Variants in SPMIP3 observed in about 807,000 individuals in gnomAD.
The protein encoded by SPMIP3 is protein SPMIP3.
At chr1:244,362,436 T>C in the SPMIP3 span, among the ~76,000 whole-genome samples, 1 of 152,188 alleles carries the variant, frequency 6.6e-6, no homozygotes, top group African/African-American at 2.4e-5. Context: ...TGGGAGTAAA[T>C]AGCAGTAAAA....
chr1:244,388,895 TA>T, the SPMIP3 span: 2 of 1,400,940 alleles, frequency 1.4e-6, no homozygotes, highest in South Asian at 2.4e-5. Context: ...GACAGTGTGT[TA>T]AAAATTAGGA....
the SPMIP3 span, among the ~76,000 whole-genome samples, chr1:244,362,641 C>G: frequency 3.9e-5 from 6 of 152,084 alleles, 1 homozygote; most frequent in Non-Finnish European, 4.4e-5. Context: ...GGGAAAATGA[C>G]CTGCCGCAGG....
At chr1:244,373,198 T>C in the SPMIP3 span, among the ~76,000 whole-genome samples, 4 of 151,098 alleles carry the variant, frequency 2.6e-5, no homozygotes, top group African/African-American at 7.3e-5. Flanking sequence ...CTGGGCAACA[T>C]AATGAGACCC....
chr1:244,366,370 T>C, the SPMIP3 span, among the ~76,000 whole-genome samples: 1 of 152,184 alleles, frequency 6.6e-6, no homozygotes, highest in African/African-American at 2.4e-5. Context: ...TCTCACTATG[T>C]TGCCCAGACT....
chr1:244,389,232 G>C, the SPMIP3 span: 2 of 557,922 alleles, frequency 3.6e-6, no homozygotes, highest in Non-Finnish European at 6.4e-6. Context: ...GGTCAGCTTA[G>C]AACAGGGAAT....
At chr1:244,379,823 T>C in the SPMIP3 span, among the ~76,000 whole-genome samples, 1 of 151,816 alleles carries the variant, frequency 6.6e-6, no homozygotes, top group Non-Finnish European at 1.5e-5. Context: ...CTACTAAAAA[T>C]ACAAAGTGGT....
the SPMIP3 span, chr1:244,378,421 C>CT: frequency 1.3e-6 from 2 of 1,552,610 alleles, no homozygotes; most frequent in Non-Finnish European, 1.8e-6. Flanking sequence ...AAATGGACTG[C>CT]TTTTTTCTAC....
At chr1:244,357,288 G>A in the SPMIP3 span, among the ~76,000 whole-genome samples, 1 of 152,116 alleles carries the variant, frequency 6.6e-6, no homozygotes, top group Non-Finnish European at 1.5e-5. Flanking sequence ...GGGGATAAGT[G>A]TTTTGGAGAA....
chr1:244,354,581 G>C, the SPMIP3 span, among the ~76,000 whole-genome samples: 1 of 152,078 alleles, frequency 6.6e-6, no homozygotes, highest in Non-Finnish European at 1.5e-5. Context: ...GGCTGGTCTC[G>C]AACTCCTGAC....
At chr1:244,369,852 T>C in the SPMIP3 span, among the ~76,000 whole-genome samples, 2 of 150,476 alleles carry the variant, frequency 1.3e-5, no homozygotes, top group Non-Finnish European at 2.9e-5. Context: ...GTTCTCTGCC[T>C]AGCCGGGTCA....
chr1:244,378,044 C>T, the SPMIP3 span, among the ~76,000 whole-genome samples: 42 of 152,072 alleles, frequency 2.8e-4, no homozygotes, highest in East Asian at 7.2e-3. Flanking sequence ...TGAGCTCAAG[C>T]GATCTGCCCC....
chr1:244,366,103 G>C, the SPMIP3 span, among the ~76,000 whole-genome samples: 3 of 152,180 alleles, frequency 2.0e-5, no homozygotes, highest in Non-Finnish European at 4.4e-5. Context: ...CTCACACCAT[G>C]ACATGGGGGT....
the SPMIP3 span, among the ~76,000 whole-genome samples, chr1:244,387,342 C>A: frequency 1.3e-5 from 2 of 152,010 alleles, no homozygotes; most frequent in Non-Finnish European, 2.9e-5. Flanking sequence ...GAAACACTAG[C>A]CTTTGGTTCC....
chr1:244,353,936 A>G, the SPMIP3 span, among the ~76,000 whole-genome samples: 49,618 of 151,884 alleles, frequency 0.33, 9,124 homozygotes, highest in East Asian at 0.8. Flanking sequence ...AGTCATGTCA[A>G]TCCCAAAGCA....
At chr1:244,353,499 T>G in the SPMIP3 span, among the ~76,000 whole-genome samples, 3 of 152,128 alleles carry the variant, frequency 2.0e-5, no homozygotes, top group African/African-American at 7.2e-5. Context: ...TCTTAAATAA[T>G]AAAATGAATA....
chr1:244,373,108 C>T, the SPMIP3 span, among the ~76,000 whole-genome samples: 1 of 151,702 alleles, frequency 6.6e-6, no homozygotes, highest in Non-Finnish European at 1.5e-5. Flanking sequence ...TGGCTGGGTG[C>T]AGCGGCTCGC....
chr1:244,384,083 T>C, the SPMIP3 span, among the ~76,000 whole-genome samples: 2 of 151,886 alleles, frequency 1.3e-5, no homozygotes, highest in Non-Finnish European at 2.9e-5. Flanking sequence ...AATAAAAAAT[T>C]AAAAAAAATT....
the SPMIP3 span, among the ~76,000 whole-genome samples, chr1:244,387,287 G>T: frequency 6.7e-6 from 1 of 149,782 alleles, no homozygotes; most frequent in Non-Finnish European, 1.5e-5. Flanking sequence ...GACAGAGTAC[G>T]ACTCCGTCTG....
At chr1:244,378,467 A>C in the SPMIP3 span, 2 of 1,607,068 alleles carry the variant, frequency 1.2e-6, no homozygotes, top group Non-Finnish European at 1.7e-6. Flanking sequence ...TTCCATTTAG[A>C]CCGCTCATAG....
Sources: gnomAD v4.1 joint callset for allele counts (sites outside exome capture counted in the v4.1 genomes callset) on GRCh38, gnomAD v4.1.1 for gene constraint, MANE v1.5 for transcripts, NCBI Gene and HGNC (gene_info 2026-07-23, HGNC 2026-07-21) for gene names.